Variants in WWOX observed in about 807,000 individuals in gnomAD.
WWOX encodes WW domain containing oxidoreductase.
WWOX carries 69 observed loss-of-function variants against 46.2 expected under a neutral mutation model. That is an observed-to-expected ratio of 1.49 (90% CI 1.23 to 1.82). The LOEUF (loss-of-function observed/expected upper bound fraction) is 1.82. WWOX is among the 40% of genes most tolerant of loss of function. The pLI is 0.00. For synonymous variants in WWOX, 359 were observed against 202.6 expected (o/e 1.77, Z -6.56); for missense variants, 919 against 542.6 (o/e 1.69, Z -6.89).
chr16:78,858,638 T>C (rs983614825), intron 8 of WWOX, among the ~76,000 whole-genome samples: 1 of 152,006 alleles, frequency 6.6e-6, no homozygotes, highest in African/African-American at 2.4e-5. Context: ...ATTTTCTTTC[T>C]TTTTTCTTTA....
chr16:78,556,560 C>T (rs2151551029), intron 8 of WWOX, among the ~76,000 whole-genome samples: 1 of 152,262 alleles, frequency 6.6e-6, no homozygotes, highest in Non-Finnish European at 1.5e-5. Context: ...GTCTTGAAAT[C>T]AATCGCAGCT....
intron 8 of WWOX, among the ~76,000 whole-genome samples, chr16:79,137,223 C>G (rs190670855): frequency 1.3e-5 from 2 of 152,152 alleles, no homozygotes; most frequent in African/African-American, 4.8e-5. Context: ...TACCCATGCT[C>G]TCTATTTCCT....
intron 5 of WWOX, among the ~76,000 whole-genome samples, chr16:78,382,257 C>G (rs1172521700): frequency 6.6e-6 from 1 of 152,160 alleles, no homozygotes; most frequent in Non-Finnish European, 1.5e-5. Flanking sequence ...AGCCACATGA[C>G]TTTGTCAAGG....
chr16:79,128,532 A>G (rs1414580262), intron 8 of WWOX, among the ~76,000 whole-genome samples: 2 of 152,164 alleles, frequency 1.3e-5, no homozygotes, highest in East Asian at 1.9e-4. Flanking sequence ...CTATTAAGGA[A>G]TGGTACCATG....
At chr16:78,248,058 C>G (rs2037866570) in intron 5 of WWOX, among the ~76,000 whole-genome samples, 1 of 152,104 alleles carries the variant, frequency 6.6e-6, no homozygotes, top group Admixed American at 6.6e-5. Flanking sequence ...GCAGAGTGCT[C>G]CATCCTCTAT....
intron 8 of WWOX, among the ~76,000 whole-genome samples, chr16:78,940,121 G>A (rs180962771): frequency 1.3e-5 from 2 of 152,260 alleles, no homozygotes; most frequent in East Asian, 1.9e-4. Context: ...GGTCTTCCGA[G>A]ACTTGGGACA....
intron 8 of WWOX, among the ~76,000 whole-genome samples, chr16:78,652,365 C>T (rs1034253918): frequency 5.5e-5 from 8 of 144,674 alleles, no homozygotes; most frequent in Non-Finnish European, 8.9e-5. Context: ...GTCAAGGTCA[C>T]GCCAGTGTAC....
intron 8 of WWOX, among the ~76,000 whole-genome samples, chr16:78,822,857 TAGGG>T (rs533840187): frequency 2.1e-3 from 320 of 151,622 alleles, no homozygotes; most frequent in Non-Finnish European, 3.5e-3. Context: ...ATTTGTAAAT[TAGGG>T]AGGAAGAGCT....
At chr16:79,101,606 C>G (rs115406479) in intron 8 of WWOX, 1 of 152,102 alleles carries the variant, frequency 6.6e-6, no homozygotes. Flanking sequence ...CAAGCCAATG[C>G]AGGAAGTAGT....
Position 78,297,987 on chromosome 16 carries a change from G to A in WWOX, c.517-88873G>A, listed in dbSNP as rs73574532. Among the ~76,000 whole-genome samples, 613 of 152,248 alleles carry A rather than the reference G, an allele frequency of 4.0e-3. 2 individuals are homozygous for A. The highest frequency in any genetic ancestry group is 0.011 in the African/African-American group (466 of 41,548). On this transcript the variant is annotated intron_variant, in intron 5 of 8. Transcript: ENST00000566780. ...ATTGAATCATGGAGACCGTTCCCCCGTGCTGTGAGTGAGTTCTCATGAGAT... is the reference window on the plus strand; with the variant it reads ...ATTGAATCATGGAGACCGTTCCCCCATGCTGTGAGTGAGTTCTCATGAGAT...
chr16:78,966,521 T>A (rs536726132), intron 8 of WWOX, among the ~76,000 whole-genome samples: 1 of 152,322 alleles, frequency 6.6e-6, no homozygotes, highest in South Asian at 2.1e-4. Flanking sequence ...AGTTTTTTTT[T>A]TAACTCTTCC....
chr16:78,546,126 C>G (rs2044025679), intron 8 of WWOX, among the ~76,000 whole-genome samples: 1 of 152,236 alleles, frequency 6.6e-6, no homozygotes, highest in Non-Finnish European at 1.5e-5. Flanking sequence ...GAAAGACGGT[C>G]TTTAAAGAAA....
intron 8 of WWOX, among the ~76,000 whole-genome samples, chr16:78,634,864 G>T (rs2046529979): frequency 6.6e-6 from 1 of 151,878 alleles, no homozygotes; most frequent in Admixed American, 6.6e-5. Context: ...GTGTGTGTGT[G>T]TGTGTGTGTG....
At chr16:78,924,542 C>G (rs2045454762) in intron 8 of WWOX, among the ~76,000 whole-genome samples, 1 of 152,120 alleles carries the variant, frequency 6.6e-6, no homozygotes. Context: ...GCCCAGTTTC[C>G]TTATCTGTAA....
intron 8 of WWOX, among the ~76,000 whole-genome samples, chr16:78,469,825 C>G (rs755075459): frequency 3.0e-4 from 45 of 152,180 alleles, no homozygotes; most frequent in East Asian, 1.5e-3. Flanking sequence ...CAAGTGACAC[C>G]TAGAGGTGAT....
chr16:78,952,824 A>T (rs1275569363), intron 8 of WWOX, among the ~76,000 whole-genome samples: 1 of 152,184 alleles, frequency 6.6e-6, no homozygotes, highest in Non-Finnish European at 1.5e-5. Context: ...TTGAATGAGT[A>T]AGTGAATGAG....
chr16:78,843,936 C>T (rs919265810), intron 8 of WWOX, among the ~76,000 whole-genome samples: 5 of 152,008 alleles, frequency 3.3e-5, no homozygotes, highest in Non-Finnish European at 7.4e-5. Flanking sequence ...AGAGCAACAC[C>T]GAAAAGCGTA....
At position 79,132,285 on chromosome 16, in the gene WWOX, C is replaced by G. The variant is rs377250104; in HGVS notation, c.1057-79323C>G. ...ACATAAAAAGGCAGCAGTGGTGAAG[C>G]TGGAAGAGGGCACCTAGGCTTTGAT... is the stretch of plus-strand genomic sequence containing the variant. On this transcript the variant is annotated intron_variant, in intron 8 of 8. Transcript: ENST00000566780. 5.9e-5 allele frequency among the ~76,000 whole-genome samples: 9 copies of G among 152,222 alleles called. No individual in the cohort carries two copies. The East Asian group carries it at 1.4e-3, about 23-fold the overall frequency.
chr16:78,307,752 A>G (rs866142314), intron 5 of WWOX, among the ~76,000 whole-genome samples: 1 of 151,396 alleles, frequency 6.6e-6, no homozygotes, highest in Non-Finnish European at 1.5e-5. Context: ...TGCCTCCCAC[A>G]TACTGGACCC....
Sources: allele counts gnomAD v4.1 joint callset (sites outside exome capture counted in the v4.1 genomes callset), GRCh38; gene constraint gnomAD v4.1.1; transcripts MANE v1.5; gene names NCBI Gene and HGNC (gene_info 2026-07-23, HGNC 2026-07-21).